The following PRRX2 variants were observed in gnomAD, a reference collection of about 807,000 sequenced individuals.
PRRX2 encodes the protein paired related homeobox 2.
PRRX2 carries 11 observed loss-of-function variants against 18.0 expected under a neutral mutation model. That is an observed-to-expected ratio of 0.61 (90% confidence interval 0.39 to 1.01). The LOEUF (loss-of-function observed/expected upper bound fraction) is 1.01, where lower values mean the gene tolerates loss of function less well. Among genes scored for constraint, PRRX2 ranks in the 50% least tolerant of loss-of-function variants. The pLI is 0.01. For missense variants in PRRX2, 387 were observed against 351.0 expected, an observed-to-expected ratio of 1.10 and a Z score of -0.82; for synonymous variants, 177 against 154.8, an observed-to-expected ratio of 1.14 and a Z score of -1.06.
intron 1 of PRRX2, among the ~76,000 whole-genome samples, chr9:129,688,094 ACT>A (rs1310059903): frequency 6.6e-6 from 1 of 151,966 alleles, no homozygotes; most frequent in Non-Finnish European, 1.5e-5. Context: ...TGGGGGTCTC[ACT>A]CTGTCACCCA....
intron 1 of PRRX2, among the ~76,000 whole-genome samples, chr9:129,697,293 C>G (rs1366441429): frequency 1.3e-5 from 2 of 152,124 alleles, no homozygotes; most frequent in African/African-American, 4.8e-5. Flanking sequence ...AGGGAGCTGG[C>G]TGGGCTGCAG....
chr9:129,702,410 A>C (rs930825456), intron 1 of PRRX2, among the ~76,000 whole-genome samples: 3 of 152,356 alleles, frequency 2.0e-5, no homozygotes, highest in Admixed American at 6.5e-5. Flanking sequence ...AAAAAAAAAA[A>C]AAACTTTCTA....
intron 1 of PRRX2, among the ~76,000 whole-genome samples, chr9:129,690,578 C>G (rs1163619163): frequency 6.6e-6 from 1 of 150,452 alleles, no homozygotes; most frequent in Non-Finnish European, 1.5e-5. Flanking sequence ...GCGATCTCGG[C>G]TCACTGCAGT....
At chr9:129,717,440 T>C (rs1362259772) in intron 1 of PRRX2, among the ~76,000 whole-genome samples, 3 of 60,730 alleles carry the variant, frequency 4.9e-5, no homozygotes. Flanking sequence ...CTCACACCTG[T>C]AATCCCAGCA....
chr9:129,679,618 T>A (rs1832203118), intron 1 of PRRX2, among the ~76,000 whole-genome samples: 2 of 151,940 alleles, frequency 1.3e-5, no homozygotes, highest in Non-Finnish European at 2.9e-5. Context: ...CGACCTGGAG[T>A]CCCTGGATTG....
At position 129,719,137 on chromosome 9, in the gene PRRX2, A is replaced by C. The variant is rs370963746; in HGVS notation, c.260-94A>C. Reference sequence around the variant, plus strand: ...GGGACGCATTCCTGGCGGCGGCACTAAAGCACTCAGAGCAAACTGCAGAGT... The same window carrying C: ...GGGACGCATTCCTGGCGGCGGCACTCAAGCACTCAGAGCAAACTGCAGAGT... On this transcript the variant is annotated intron_variant, in intron 1 of 3. Transcript: ENST00000372469. The C allele has an allele frequency of 4.1e-5, 51 of 1,255,020 alleles. No individual in the cohort carries two copies. The African/African-American group carries it at 4.6e-4, about 11-fold the overall frequency. 77.7% of individuals were successfully genotyped at this position (1,255,020 alleles called of 1,614,324 possible).
At position 129,722,291 on chromosome 9, in the gene PRRX2, G is replaced by A; in HGVS notation, c.701G>A (p.Ser234Asn). 9 of 1,614,062 alleles carry A rather than the reference G, an allele frequency of 5.6e-6. No homozygotes were observed. Among genetic ancestry groups the A allele is most frequent in the Non-Finnish European group, 7.6e-6 (9 of 1,180,022 alleles). ...PGVNMANSIA[S>N]LRLKAKEFSL... ...GTCAACATGGCCAACAGCATCGCCA[G>A]CCTCCGTCTCAAGGCCAAGGAGTTC... Residue 234 changes from serine to asparagine, a missense_variant, in exon 4 of 4, where the codon AGC becomes AAC. Coordinates refer to ENST00000372469, the MANE Select transcript of PRRX2 (RefSeq NM_016307.4).
chr9:129,673,364 G>A (rs1421029719), intron 1 of PRRX2, among the ~76,000 whole-genome samples: 1 of 152,146 alleles, frequency 6.6e-6, no homozygotes, highest in African/African-American at 2.4e-5. Flanking sequence ...TGCTGAGACA[G>A]GAGGATCCCT....
rs983245119 is a variant in PRRX2 at position 129,671,765 on chromosome 9, G to A, written c.259+5639G>A. On this transcript the variant is annotated intron_variant, in intron 1 of 3. Transcript: ENST00000372469. This position sits in a 1 kb window ranked among gnomAD's most constrained non-coding sequence, Gnocchi z 4.0. ...GGCGAGGCTGTCAGAGGCCCAGACA[G>A]GCAAAGCAACCTGCCCGAGGCCTCA... 6.6e-6 allele frequency among the ~76,000 whole-genome samples: 1 copy of A among 152,238 alleles called. No individual in the cohort carries two copies. The highest frequency in any genetic ancestry group is 6.5e-5 in the Admixed American group (1 of 15,288).
At chr9:129,684,237 G>A (rs1365555284) in intron 1 of PRRX2, among the ~76,000 whole-genome samples, 1 of 152,144 alleles carries the variant, frequency 6.6e-6, no homozygotes, top group East Asian at 1.9e-4. Context: ...ATGATGGGTA[G>A]AAGACTGGTC....
Position 129,721,032 on chromosome 9 carries a change from C to T in PRRX2, c.626+258C>T, listed in dbSNP as rs145261568. Among the ~76,000 whole-genome samples the T allele has an allele frequency of 1.9e-3, 283 of 152,302 alleles. 2 individuals carry two copies. The highest frequency in any genetic ancestry group is 6.6e-3 in the African/African-American group (274 of 41,538). On this transcript the variant is annotated intron_variant, in intron 3 of 3. Coordinates refer to ENST00000372469, the MANE Select transcript of PRRX2 (RefSeq NM_016307.4). ...GTGGGCACACATGACTGTGAGTGTGCATGCACATGCCTGCGTATGCAAAGG... is the reference window on the plus strand; with the variant it reads ...GTGGGCACACATGACTGTGAGTGTGTATGCACATGCCTGCGTATGCAAAGG...
At chr9:129,677,419 G>A (rs1357190334) in intron 1 of PRRX2, among the ~76,000 whole-genome samples, 1 of 152,254 alleles carries the variant, frequency 6.6e-6, no homozygotes, top group Non-Finnish European at 1.5e-5. Context: ...TGGCCAAGGA[G>A]CCGCGCGGGG....
chr9:129,685,510 C>T (rs1832289991), intron 1 of PRRX2, among the ~76,000 whole-genome samples: 1 of 151,990 alleles, frequency 6.6e-6, no homozygotes, highest in Non-Finnish European at 1.5e-5. Flanking sequence ...GTGACATGTG[C>T]CACCACCCCC....
intron 1 of PRRX2, among the ~76,000 whole-genome samples, chr9:129,681,630 G>A (rs1448311182): frequency 6.6e-6 from 1 of 152,184 alleles, no homozygotes; most frequent in Non-Finnish European, 1.5e-5. Context: ...AGTTGTGAAT[G>A]TCTTGGATTT....
chr9:129,720,519 GCAGGCACA>G, intron 2 of PRRX2, 69 bp from the exon 3 acceptor site: 1 of 1,390,192 alleles, frequency 7.2e-7, no homozygotes, highest in African/African-American at 1.5e-5. Context: ...TGGTGACAGA[GCAGGCACA>G]CACCCAGGTC....
At chr9:129,711,363 T>C (rs184756486) in intron 1 of PRRX2, among the ~76,000 whole-genome samples, 22 of 151,494 alleles carry the variant, frequency 1.5e-4, no homozygotes, top group Admixed American at 6.6e-4. Flanking sequence ...TTAAATGAGG[T>C]AGATCCTGTT....
At chr9:129,707,733 G>A (rs966595687) in intron 1 of PRRX2, among the ~76,000 whole-genome samples, 6 of 151,544 alleles carry the variant, frequency 4.0e-5, no homozygotes, top group Non-Finnish European at 7.4e-5. Context: ...GGAGGTTGCA[G>A]TGAGCCGAGA....
intron 1 of PRRX2, among the ~76,000 whole-genome samples, chr9:129,669,276 G>A (rs181722477): frequency 1.3e-5 from 2 of 152,326 alleles, no homozygotes; most frequent in Non-Finnish European, 2.9e-5. Context: ...CCGTGGCTTC[G>A]CCAGTGACTC....
chr9:129,684,482 T>TCTCACACACACACACA (rs777358202), intron 1 of PRRX2, among the ~76,000 whole-genome samples: 1 of 43,246 alleles, frequency 2.3e-5, no homozygotes, highest in African/African-American at 1.0e-4. Flanking sequence ...ATACCAGAAA[T>TCTCACACACACACACA]CACACACACA....
Sources: allele counts gnomAD v4.1 joint callset (sites outside exome capture counted in the v4.1 genomes callset), GRCh38; gene constraint gnomAD v4.1.1; non-coding constraint Gnocchi (gnomAD v3.1); transcripts MANE v1.5; gene names NCBI Gene and HGNC (gene_info 2026-07-23, HGNC 2026-07-21).